PHF14: variants seen among roughly 807,000 people sequenced by gnomAD.
PHF14 encodes the protein PHD finger protein 14.
In PHF14, 55 loss-of-function variants were observed where a neutral mutation model predicts 117.9. The ratio of observed to expected loss-of-function variants is 0.47; its 90% CI spans 0.38 to 0.58. The LOEUF is 0.58. PHF14 is among the 20% of genes least tolerant of loss of function. PHF14 has a pLI of 0.00. For synonymous variants in PHF14, 409 were observed against 368.6 expected (o/e 1.11, Z -1.26); for missense variants, 978 against 1,122.2 (o/e 0.87, Z 1.84).
chr7:11,160,076 C>T (rs1788978925), intron 17 of PHF14, among the ~76,000 whole-genome samples: 1 of 152,088 alleles, frequency 6.6e-6, no homozygotes, highest in African/African-American at 2.4e-5. Flanking sequence ...CTTCCCTCCC[C>T]ATTCTAGTAG....
At chr7:11,080,194 A>G (rs573786280) in intron 16 of PHF14, among the ~76,000 whole-genome samples, 2 of 152,272 alleles carry the variant, frequency 1.3e-5, no homozygotes, top group East Asian at 1.9e-4. Flanking sequence ...TTGTAGCATT[A>G]GATTTTCAGT....
At chr7:11,102,584 T>G in intron 16 of PHF14, 1 of 1,595,684 alleles carries the variant, frequency 6.3e-7, no homozygotes, top group Non-Finnish European at 8.5e-7. Flanking sequence ...GATTAAACTC[T>G]CGATAGAGTA....
intron 14 of PHF14, among the ~76,000 whole-genome samples, chr7:11,059,697 C>G (rs924697886): frequency 6.6e-6 from 1 of 152,028 alleles, no homozygotes; most frequent in Non-Finnish European, 1.5e-5. Flanking sequence ...TCGCTTGAAC[C>G]TGGGAGGCGG....
chr7:11,101,986 A>G (rs1787109604), intron 16 of PHF14, among the ~76,000 whole-genome samples: 1 of 151,874 alleles, frequency 6.6e-6, no homozygotes, highest in African/African-American at 2.4e-5. Flanking sequence ...GATAAGAATC[A>G]TTTGAAAATT....
At chr7:11,139,053 A>G (rs1430925325) in intron 17 of PHF14, among the ~76,000 whole-genome samples, 3 of 152,188 alleles carry the variant, frequency 2.0e-5, no homozygotes, top group Non-Finnish European at 4.4e-5. Flanking sequence ...GAAGTCTGCA[A>G]ATGGTATTAT....
At chr7:10,991,043 T>G (rs1366323677) in intron 4 of PHF14, among the ~76,000 whole-genome samples, 196 bp downstream of exon 4, 3 of 152,154 alleles carry the variant, frequency 2.0e-5, no homozygotes, top group Non-Finnish European at 4.4e-5. Context: ...CAGGCTGGAG[T>G]GCAGTGGCAC....
chr7:11,126,775 GAA>G (rs748777005), intron 17 of PHF14, among the ~76,000 whole-genome samples: 6 of 100,136 alleles, frequency 6.0e-5, no homozygotes, highest in Admixed American at 2.0e-4. Context: ...GCAATAGGAT[GAA>G]AAAAAAAAAA....
In PHF14 at chr7:11,161,092, A is replaced by ATG. The variant is rs1165466765; in HGVS notation, c.2773-8323_2773-8322dup. ...ACACAACTTGAGTTAATTTTTGCAT[A>ATG]TGGTGAAATGTAGGGCTCCAGTTTC... On this transcript the variant is annotated intron_variant, in intron 17 of 17. Transcript: ENST00000634607. Among the ~76,000 whole-genome samples, 17 of 152,262 alleles carry ATG rather than the reference A, an allele frequency of 1.1e-4. No homozygotes were observed. In the East Asian group the frequency reaches 3.3e-3, roughly 29 times the overall value.
chr7:11,144,258 G>A (rs910480034), intron 17 of PHF14, among the ~76,000 whole-genome samples: 1 of 152,074 alleles, frequency 6.6e-6, no homozygotes, highest in Admixed American at 6.6e-5. Context: ...CTTGTATACT[G>A]TTGGTGGTAA....
intron 5 of PHF14, among the ~76,000 whole-genome samples, chr7:11,021,422 ATTGACT>A (rs1162256815): frequency 6.6e-6 from 1 of 152,164 alleles, no homozygotes; most frequent in African/African-American, 2.4e-5. Flanking sequence ...CATGATTTTC[ATTGACT>A]TTGATAGGTA....
chr7:11,107,346 T>C (rs1300995132), intron 16 of PHF14: 1 of 914,852 alleles, frequency 1.1e-6, no homozygotes, highest in Non-Finnish European at 1.3e-6. Context: ...TACATACATA[T>C]AGACTGTGTT....
chr7:11,047,315 G>A (rs1258547828), intron 13 of PHF14, among the ~76,000 whole-genome samples: 2 of 151,902 alleles, frequency 1.3e-5, no homozygotes, highest in Admixed American at 6.6e-5. Context: ...TGATCCGCCT[G>A]CCTTGGCCTC....
intron 4 of PHF14, among the ~76,000 whole-genome samples, chr7:11,001,612 T>G (rs200587514): frequency 2.9e-5 from 1 of 34,514 alleles, no homozygotes; most frequent in African/African-American, 1.5e-4. Flanking sequence ...GCAATATTAT[T>G]TTATTTTTTG....
chr7:11,106,367 C>A, intron 16 of PHF14: 1 of 977,334 alleles, frequency 1.0e-6, no homozygotes, highest in Non-Finnish European at 1.2e-6. Context: ...AGGTTCAAGC[C>A]CTCCACGTTA....
chr7:11,028,846 G>A (rs754208580), intron 7 of PHF14, 28 bp downstream of exon 7: 1 of 1,599,442 alleles, frequency 6.3e-7, no homozygotes, highest in South Asian at 1.1e-5. Context: ...CATAGTTGGT[G>A]AACATGTTCA....
intron 15 of PHF14, 45 bp from the exon 16 acceptor site, chr7:11,061,919 T>A: frequency 6.5e-7 from 1 of 1,540,468 alleles, no homozygotes; most frequent in Non-Finnish European, 8.8e-7. Context: ...CCTCATATCC[T>A]TATTTTGTTT....
chr7:11,164,876 A>C (rs879925364), intron 17 of PHF14, among the ~76,000 whole-genome samples: 1 of 152,032 alleles, frequency 6.6e-6, no homozygotes, highest in African/African-American at 2.4e-5. Context: ...TCATGTCCCC[A>C]TAGTCTCCTG....
At chr7:11,020,971 T>C (rs1783715784) in intron 5 of PHF14, among the ~76,000 whole-genome samples, 1 of 152,216 alleles carries the variant, frequency 6.6e-6, no homozygotes, top group Admixed American at 6.5e-5. Flanking sequence ...AATTGATTAC[T>C]GAATGAAGGA....
At chr7:11,093,647 C>T (rs111998388) in intron 16 of PHF14, among the ~76,000 whole-genome samples, 4 of 152,338 alleles carry the variant, frequency 2.6e-5, no homozygotes, top group African/African-American at 7.2e-5. Context: ...TCACATATTA[C>T]TCAGTGCTTG....
Sources: gnomAD v4.1 joint callset for allele counts (sites outside exome capture counted in the v4.1 genomes callset) on GRCh38, gnomAD v4.1.1 for gene constraint, MANE v1.5 for transcripts, NCBI Gene and HGNC (gene_info 2026-07-23, HGNC 2026-07-21) for gene names.